NAV3: variants seen among roughly 807,000 people sequenced by gnomAD.
NAV3 encodes neuron navigator 3, also known as pore membrane and/or filament interacting like protein 1.
In NAV3, 87 loss-of-function variants were observed where a neutral mutation model predicts 244.7. That is an observed-to-expected ratio of 0.36 (90% CI 0.30 to 0.42). NAV3 has a LOEUF of 0.42. Ranked by LOEUF, NAV3 falls within the 20% of genes least tolerant of loss-of-function variation. The pLI, the probability that NAV3 is intolerant of heterozygous loss-of-function variation, is 1.00. For synonymous variants in NAV3, 1,126 were observed against 1,042.2 expected, an observed-to-expected ratio of 1.08 and a Z score of -1.55; for missense variants, 2,663 against 2,893.3, an observed-to-expected ratio of 0.92 and a Z score of 1.83.
chr12:77,902,320 G>T (rs1443449085), intron 1 of NAV3, among the ~76,000 whole-genome samples: 3 of 152,130 alleles, frequency 2.0e-5, no homozygotes, highest in African/African-American at 7.2e-5. Context: ...GAACTATTTT[G>T]TTTTTTAATG....
chr12:77,626,267 A>C (rs1871616534), intron 2 of NAV3, among the ~76,000 whole-genome samples: 1 of 152,082 alleles, frequency 6.6e-6, no homozygotes, highest in African/African-American at 2.4e-5. Flanking sequence ...AAAAAGGTAA[A>C]AGAGTATGAA....
At chr12:78,005,216 G>A (rs1452511629) in intron 7 of NAV3, among the ~76,000 whole-genome samples, 1 of 152,076 alleles carries the variant, frequency 6.6e-6, no homozygotes, top group Non-Finnish European at 1.5e-5. Context: ...ATGACATTAG[G>A]GGAACCTGAA....
At chr12:77,620,030 A>T (rs1005505619) in intron 2 of NAV3, among the ~76,000 whole-genome samples, 4 of 152,212 alleles carry the variant, frequency 2.6e-5, no homozygotes, top group Admixed American at 6.5e-5. Flanking sequence ...GATTTTCTTC[A>T]TTGTAAAATT....
chr12:78,114,635 C>G (rs1197656633), intron 12 of NAV3, among the ~76,000 whole-genome samples: 1 of 152,120 alleles, frequency 6.6e-6, no homozygotes, highest in East Asian at 1.9e-4. Context: ...TACCTCCCAA[C>G]GGGTTCCTCC....
intron 1 of NAV3, among the ~76,000 whole-genome samples, chr12:77,906,965 C>T (rs1886046655): frequency 6.6e-6 from 1 of 152,032 alleles, no homozygotes; most frequent in Admixed American, 6.6e-5. Context: ...TATTTGCCAC[C>T]ATCCTGGTCT....
chr12:78,175,423 A>G lies in NAV3; in HGVS notation c.5099A>G (p.Asn1700Ser), dbSNP rs2139651744. ...DADSKKKKKK[N>S]WVNSRGSELR... ...GACTCCAAGAAGAAGAAAAAGAAAA[A>G]CTGGGTAAGTTACCATCCTTCATCT... The change falls in exon 25 of 40, where the codon AAC becomes AGC. Residue 1700 changes from asparagine to serine, a missense_variant. By Grantham distance (46) the Asn-to-Ser change is conservative. Transcript: ENST00000397909. 4 of 1,609,412 alleles carry G rather than the reference A, an allele frequency of 2.5e-6. No homozygotes were observed. In the South Asian group the frequency reaches 4.4e-5, roughly 18 times the overall value.
chr12:77,613,124 G>T (rs2136828391), intron 2 of NAV3, among the ~76,000 whole-genome samples: 1 of 152,184 alleles, frequency 6.6e-6, no homozygotes, highest in East Asian at 1.9e-4. Flanking sequence ...AGAACGAAAT[G>T]AAACAAAAAT....
intron 2 of NAV3, among the ~76,000 whole-genome samples, chr12:77,652,356 C>T (rs1233124992): frequency 1.3e-5 from 2 of 152,150 alleles, no homozygotes; most frequent in East Asian, 3.9e-4. Context: ...TCCATAGAGC[C>T]TACTCCCTAA....
intron 2 of NAV3, among the ~76,000 whole-genome samples, chr12:77,801,247 C>A (rs1295003673): frequency 2.6e-5 from 4 of 152,026 alleles, no homozygotes; most frequent in Non-Finnish European, 4.4e-5. Context: ...ATATTAGTTT[C>A]TTTTTCTATT....
intron 24 of NAV3, among the ~76,000 whole-genome samples, chr12:78,173,844 G>A (rs1219384986): frequency 1.3e-5 from 2 of 151,352 alleles, no homozygotes; most frequent in Admixed American, 6.6e-5. Context: ...GTATATGAAG[G>A]TGAGGATACA....
intron 30 of NAV3, among the ~76,000 whole-genome samples, chr12:78,182,006 G>A (rs1450561170): frequency 6.6e-6 from 1 of 151,984 alleles, no homozygotes; most frequent in African/African-American, 2.4e-5. Context: ...TAAAAGACAA[G>A]TGGGCACTCC....
At chr12:78,010,868 A>G (rs1467138929) in intron 8 of NAV3, 1 of 152,052 alleles carries the variant, frequency 6.6e-6, no homozygotes, top group East Asian at 1.9e-4. Flanking sequence ...CTGAGACTTC[A>G]ATAAATGCTT....
chr12:77,794,185 T>G (rs1375943214), intron 2 of NAV3, among the ~76,000 whole-genome samples: 1 of 152,238 alleles, frequency 6.6e-6, no homozygotes, highest in East Asian at 1.9e-4. Context: ...TTTCTTGTCT[T>G]GTAAATTTTT....
chr12:77,944,684 G>T (rs1890167921), intron 3 of NAV3, among the ~76,000 whole-genome samples: 1 of 152,116 alleles, frequency 6.6e-6, no homozygotes, highest in South Asian at 2.1e-4. Context: ...CAGGAGGTCT[G>T]CATGAAGTCA....
intron 2 of NAV3, among the ~76,000 whole-genome samples, chr12:77,630,721 C>A (rs897420463): frequency 1.3e-5 from 2 of 152,116 alleles, no homozygotes; most frequent in African/African-American, 2.4e-5. Flanking sequence ...AGTATGTCTT[C>A]CATCCTTGCT....
At position 77,998,366 on chromosome 12, in the gene NAV3, C is replaced by A. The variant is rs796717278; in HGVS notation, c.770C>A (p.Ala257Glu). ...CCAGGGCCCTCTAGGGTGCCTGCTGCAGGAAGCAGCAGCAAGGTCCAGGGA... is the reference window on the plus strand; with the variant it reads ...CCAGGGCCCTCTAGGGTGCCTGCTGAAGGAAGCAGCAGCAAGGTCCAGGGA... The part of the protein sequence containing the change: ...RLPGPSRVPA[A>E]GSSSKVQGAS... The change falls in exon 7 of 40, where the codon GCA (alanine) becomes GAA (glutamate). Residue 257 changes from alanine (A) to glutamate (E), a missense_variant. Transcript: ENST00000397909. 6.3e-7 allele frequency: 1 copy of A among 1,599,562 alleles called. No individual in the cohort carries two copies. Among genetic ancestry groups the A allele is most frequent in the Admixed American group, 1.7e-5 (1 of 57,646 alleles).
Position 77,894,348 on chromosome 12 carries a change from A to T in NAV3, c.244-45971A>T, listed in dbSNP as rs138840493. Among the ~76,000 whole-genome samples, 1,099 of 152,328 alleles carry T rather than the reference A, an allele frequency of 7.2e-3. 13 individuals carry two copies. The highest frequency in any genetic ancestry group is 0.031 in the Middle Eastern group (9 of 294). On this transcript the variant is annotated intron_variant, in intron 1 of 39. Transcript: ENST00000397909. Reference sequence around the variant, plus strand: ...TGTACATCTGTTATTATAGTCTTTAAATCTTGGTCAAAGTGATATTTCATG... The same window carrying T: ...TGTACATCTGTTATTATAGTCTTTATATCTTGGTCAAAGTGATATTTCATG...
chr12:77,645,536 T>TAAAAAAAAAAAAAAAAAA (rs756805711), intron 2 of NAV3, among the ~76,000 whole-genome samples: 4 of 63,010 alleles, frequency 6.3e-5, no homozygotes, highest in African/African-American at 2.9e-4. Flanking sequence ...TCTCTCTCTC[T>TAAAAAAAAAAAAAAAAAA]AAAAAAAAAA....
chr12:77,766,020 T>C (rs529357780), intron 2 of NAV3, among the ~76,000 whole-genome samples: 120 of 152,148 alleles, frequency 7.9e-4, no homozygotes, highest in Non-Finnish European at 1.1e-3. Flanking sequence ...GAGGCAGAAA[T>C]TGCCATCAGT....
Sources: gnomAD v4.1 joint callset for allele counts (sites outside exome capture counted in the v4.1 genomes callset) on GRCh38, gnomAD v4.1.1 for gene constraint, MANE v1.5 for transcripts, NCBI Gene and HGNC (gene_info 2026-07-23, HGNC 2026-07-21) for gene names.